Variants in METTL15 observed in about 807,000 individuals in gnomAD.
The protein encoded by METTL15 is 12S rRNA N(4)-cytidine methyltransferase METTL15.
In METTL15, 34 loss-of-function variants were observed where a neutral mutation model predicts 38.3. The observed-to-expected ratio is 0.89, with a 90% CI of 0.68 to 1.18. The LOEUF (loss-of-function observed/expected upper bound fraction) is 1.18. Among genes scored for constraint, METTL15 ranks in the 50% most tolerant of loss-of-function variants. METTL15 has a pLI of 0.00. For missense variants in METTL15, 438 were observed against 498.4 expected, an observed-to-expected ratio of 0.88 and a Z score of 1.15; for synonymous variants, 162 against 170.9, an observed-to-expected ratio of 0.95 and a Z score of 0.41.
intron 4 of METTL15, among the ~76,000 whole-genome samples, chr11:28,235,898 A>G (rs1028693775): frequency 3.9e-5 from 6 of 152,008 alleles, no homozygotes; most frequent in African/African-American, 1.5e-4. Flanking sequence ...TTTCAAAGGG[A>G]ATGCTTCCAG....
intron 6 of METTL15, among the ~76,000 whole-genome samples, chr11:28,449,783 A>C (rs1021421516): frequency 2.0e-5 from 3 of 152,178 alleles, no homozygotes; most frequent in African/African-American, 7.2e-5. Flanking sequence ...CTACCTTTCT[A>C]GAGGGGCAAT....
chr11:28,153,203 C>T (rs2133691161), intron 3 of METTL15, among the ~76,000 whole-genome samples: 1 of 152,160 alleles, frequency 6.6e-6, no homozygotes, highest in East Asian at 1.9e-4. Context: ...AATGTCTAAC[C>T]TCCTGTGTCT....
intron 3 of METTL15, among the ~76,000 whole-genome samples, chr11:28,178,721 C>G (rs911148087): frequency 2.0e-5 from 3 of 151,546 alleles, no homozygotes; most frequent in Admixed American, 2.0e-4. Flanking sequence ...AAGTGTTAAT[C>G]TTTTTATTGT....
intron 6 of METTL15, among the ~76,000 whole-genome samples, chr11:28,430,836 G>T (rs1396505277): frequency 1.5e-5 from 1 of 67,766 alleles, no homozygotes; most frequent in African/African-American, 5.2e-5. Context: ...CCAGCCGCCT[G>T]GTCCGGGAGG....
chr11:28,473,410 C>T (rs778541643), intron 6 of METTL15, among the ~76,000 whole-genome samples: 1 of 152,118 alleles, frequency 6.6e-6, no homozygotes, highest in Non-Finnish European at 1.5e-5. Context: ...CTAGGATGAG[C>T]AAGTCTAATG....
At chr11:28,200,877 TC>T (rs1451706411) in intron 3 of METTL15, among the ~76,000 whole-genome samples, 1 of 152,128 alleles carries the variant, frequency 6.6e-6, no homozygotes, top group East Asian at 1.9e-4. Flanking sequence ...TTTCTTCTCT[TC>T]CTGCTTGAAT....
chr11:28,208,628 G>T (rs140039167), intron 3 of METTL15, among the ~76,000 whole-genome samples: 1,680 of 152,150 alleles, frequency 0.011, 38 homozygotes, highest in African/African-American at 0.038. Flanking sequence ...TATTAGGTCC[G>T]CTTTGTGCAG....
intron 6 of METTL15, among the ~76,000 whole-genome samples, chr11:28,318,905 A>G (rs1361828485): frequency 6.6e-6 from 1 of 152,236 alleles, no homozygotes; most frequent in African/African-American, 2.4e-5. Flanking sequence ...TTTTAAACCC[A>G]CTATCAAGAA....
rs533417776 is a variant in METTL15, at chr11:28,507,883, T to A, written c.*425-18595T>A. On this transcript the variant is annotated intron_variant and NMD_transcript_variant, in intron 6 of 7. Transcript: ENST00000532947. Reference sequence around the variant, plus strand: ...TTGCACCTTTACTCCATTCCAGTTCTCCTCATTCTATTTTTCATAAAGAAA... The same window carrying A: ...TTGCACCTTTACTCCATTCCAGTTCACCTCATTCTATTTTTCATAAAGAAA... Among the ~76,000 whole-genome samples the A allele has an allele frequency of 2.0e-5, 3 of 152,240 alleles. No homozygotes were observed. In the East Asian group the frequency reaches 5.8e-4, roughly 29 times the overall value.
At chr11:28,178,772 T>C (rs1851171834) in intron 3 of METTL15, among the ~76,000 whole-genome samples, 1 of 151,878 alleles carries the variant, frequency 6.6e-6, no homozygotes, top group African/African-American at 2.4e-5. Context: ...TTTCAAATCT[T>C]ATTCATTGCG....
chr11:28,294,200 A>G (rs576635318), intron 5 of METTL15, among the ~76,000 whole-genome samples: 8 of 152,302 alleles, frequency 5.3e-5, no homozygotes, highest in African/African-American at 1.9e-4. Flanking sequence ...TTTGTCATAG[A>G]TAGCTCTTAC....
At chr11:28,212,387 G>A (rs918932423) in intron 4 of METTL15, among the ~76,000 whole-genome samples, 7 of 151,988 alleles carry the variant, frequency 4.6e-5, no homozygotes, top group South Asian at 2.1e-4. Context: ...ACTTAGATGC[G>A]CCTTCTTTAA....
At chr11:28,357,483 G>C (rs932685078) in intron 4 of METTL15, among the ~76,000 whole-genome samples, 2 of 152,168 alleles carry the variant, frequency 1.3e-5, no homozygotes, top group Admixed American at 6.5e-5. Flanking sequence ...GTAGACTTTG[G>C]TTTATATCCC....
chr11:28,356,749 T>C (rs895894091), intron 4 of METTL15, among the ~76,000 whole-genome samples: 3 of 152,242 alleles, frequency 2.0e-5, no homozygotes, highest in South Asian at 2.1e-4. Context: ...TGTCTTTTCA[T>C]AGGACAAGCT....
At chr11:28,415,969 T>A (rs1483076209) in intron 5 of METTL15, among the ~76,000 whole-genome samples, 2 of 152,186 alleles carry the variant, frequency 1.3e-5, no homozygotes, top group African/African-American at 4.8e-5. Context: ...GAGACACACA[T>A]AACATATGTC....
chr11:28,452,654 G>A (rs1851132919), intron 6 of METTL15, among the ~76,000 whole-genome samples: 1 of 152,176 alleles, frequency 6.6e-6, no homozygotes, highest in African/African-American at 2.4e-5. Context: ...CTAGGGTTAT[G>A]ATGCCACGTC....
intron 6 of METTL15, among the ~76,000 whole-genome samples, chr11:28,441,619 A>C (rs1184129839): frequency 6.6e-6 from 1 of 152,150 alleles, no homozygotes; most frequent in African/African-American, 2.4e-5. Flanking sequence ...TTACGACCTC[A>C]CTTCAATTTC....
chr11:28,205,473 A>G (rs890112903), intron 3 of METTL15, among the ~76,000 whole-genome samples: 11 of 152,108 alleles, frequency 7.2e-5, no homozygotes, highest in Admixed American at 4.6e-4. Flanking sequence ...TCCATGGTGT[A>G]TATGTGCCAC....
At chr11:28,424,709 C>T (rs1165884559) in intron 6 of METTL15, among the ~76,000 whole-genome samples, 2 of 152,172 alleles carry the variant, frequency 1.3e-5, no homozygotes, top group African/African-American at 4.8e-5. Flanking sequence ...TTAGGCCACA[C>T]ACAGAAGAAA....
Sources: allele counts gnomAD v4.1 joint callset (sites outside exome capture counted in the v4.1 genomes callset), GRCh38; gene constraint gnomAD v4.1.1; transcripts MANE v1.5; gene names NCBI Gene and HGNC (gene_info 2026-07-23, HGNC 2026-07-21).